The following MYH15 variants were observed in gnomAD, a reference collection of about 807,000 sequenced individuals.
MYH15 encodes the protein myosin-15.
A neutral mutation model predicts 240.5 loss-of-function variants in MYH15; 227 were observed. The observed-to-expected ratio is 0.94, with a 90% CI of 0.85 to 1.05. The LOEUF is 1.05. Among genes scored for constraint, MYH15 ranks in the 50% least tolerant of loss-of-function variants. The pLI is 0.00. For synonymous variants in MYH15, 785 were observed against 796.7 expected (o/e 0.99, Z 0.25); for missense variants, 2,217 against 2,247.5 (o/e 0.99, Z 0.27).
At chr3:108,431,631 T>A (rs1426815341) in intron 25 of MYH15, among the ~76,000 whole-genome samples, 3 of 152,160 alleles carry the variant, frequency 2.0e-5, no homozygotes, top group African/African-American at 7.2e-5. Flanking sequence ...GAAAACGGAC[T>A]AATATAGAAA....
chr3:108,550,272 A>T, the MYH15 span: 1 of 151,552 alleles, frequency 6.6e-6, no homozygotes, highest in Non-Finnish European at 1.5e-5. Flanking sequence ...CCAATTAAAA[A>T]CTATTAGGAC....
chr3:108,433,831 G>C (rs1206838250), intron 25 of MYH15, among the ~76,000 whole-genome samples: 1 of 152,090 alleles, frequency 6.6e-6, no homozygotes, highest in African/African-American at 2.4e-5. Context: ...ACCCAATCTT[G>C]GGTATGTCTT....
intron 38 of MYH15, among the ~76,000 whole-genome samples, chr3:108,385,041 G>A (rs910249687): frequency 6.6e-6 from 1 of 152,166 alleles, no homozygotes; most frequent in African/African-American, 2.4e-5. Context: ...TGGGTCTTCA[G>A]TCTTTCCAGC....
rs566263436 is a variant in MYH15, at chr3:108,398,199, G to T, written c.5133+438C>A. 2.6e-5 allele frequency among the ~76,000 whole-genome samples: 4 copies of T among 152,246 alleles called. No individual in the cohort carries two copies. The South Asian group carries it at 8.3e-4, about 32-fold the overall frequency. On this transcript the variant is annotated intron_variant, in intron 35 of 40. Transcript: ENST00000693548. ...GCAATTTGGACAGCAACAGACCCTC[G>T]CAGCGGGAAGATGCTGTGAAGACAC...
chr3:108,439,301 C>T (rs56393380), intron 24 of MYH15, among the ~76,000 whole-genome samples: 2,968 of 152,254 alleles, frequency 0.019, 43 homozygotes, highest in Non-Finnish European at 0.025. Context: ...TTGTGGCTCA[C>T]ATATCTTTCA....
At chr3:108,416,601 CT>C (rs1223523584) in intron 29 of MYH15, among the ~76,000 whole-genome samples, 8 of 152,198 alleles carry the variant, frequency 5.3e-5, no homozygotes, top group African/African-American at 1.7e-4. Flanking sequence ...ACACACTTTG[CT>C]TGCTCTAAAC....
the MYH15 span, among the ~76,000 whole-genome samples, chr3:108,538,754 T>C: frequency 6.6e-6 from 1 of 152,174 alleles, no homozygotes; most frequent in African/African-American, 2.4e-5. Flanking sequence ...GGTTGAGGTG[T>C]CTTAGTCTGT....
At chr3:108,452,274 G>C (rs1021523195) in intron 21 of MYH15, among the ~76,000 whole-genome samples, 1 of 152,108 alleles carries the variant, frequency 6.6e-6, no homozygotes, top group Non-Finnish European at 1.5e-5. Context: ...CCTCAGACCA[G>C]CTGCTATCCA....
rs1200376643 is a variant in MYH15 at position 108,444,909 on chromosome 3, G to A, written c.2400-14C>T. On this transcript the variant is annotated splice_polypyrimidine_tract_variant and intron_variant, in intron 21 of 40. Transcript: ENST00000693548. ...ATAAGTGCATCCCTAAATCAAGAAA[G>A]AAAAAAGAAAAGCAAGTTAGCCCTG... 9 of 1,583,634 alleles carry A rather than the reference G, an allele frequency of 5.7e-6. No individual in the cohort carries two copies. The Admixed American group carries it at 5.7e-5, about 10-fold the overall frequency.
At position 108,428,541 on chromosome 3, in the gene MYH15, A is replaced by G. The variant is rs1327400879; in HGVS notation, c.3653T>C (p.Leu1218Pro). Residue 1218 changes from leucine (L) to proline (P), a missense_variant, in exon 27 of 41, where the codon CTA becomes CCA. Transcript: ENST00000693548. ...ACGGGTCAGGAGGTCATCTACTTCT[A>G]GCTGCAAGTCACTCTTGTCTTTTTC... ...KLEKDKSDLQ[L>P]EVDDLLTRVE... 1 of 1,613,926 alleles carries G rather than the reference A, an allele frequency of 6.2e-7. No homozygotes were observed. Among genetic ancestry groups the G allele is most frequent in the Non-Finnish European group, 8.5e-7 (1 of 1,180,004 alleles).
chr3:108,398,926 T>C, intron 34 of MYH15, 86 bp from the exon 35 acceptor site: 1 of 1,462,564 alleles, frequency 6.8e-7, no homozygotes, highest in Non-Finnish European at 9.6e-7. Flanking sequence ...TCTGACTATA[T>C]ATTTAGACAT....
In MYH15 at chr3:108,398,756, G is replaced by A. The variant is rs759391413; in HGVS notation, c.5014C>T (p.Leu1672Phe). The change falls in exon 35 of 41, where the codon CTT (leucine) becomes TTT (phenylalanine). Residue 1672 changes from leucine (L) to phenylalanine (F), a missense_variant. Leu to Phe is a conservative substitution (Grantham distance 22). Transcript: ENST00000693548. The part of the protein sequence containing the change: ...QVAVAERRNS[L>F]LQSELEDLRS... ...AGATCCTCTAGTTCAGACTGAAGAA[G>A]AGAGTTGCGCCGCTCAGCCACAGCC... 5 of 1,614,034 alleles carry A rather than the reference G, an allele frequency of 3.1e-6. No individual in the cohort carries two copies. Among genetic ancestry groups the A allele is most frequent in the African/African-American group, 1.3e-5 (1 of 74,936 alleles).
chr3:108,419,487 A>G (rs935504816), intron 28 of MYH15, among the ~76,000 whole-genome samples: 1 of 152,216 alleles, frequency 6.6e-6, no homozygotes, highest in African/African-American at 2.4e-5. Context: ...GCCAATGCCT[A>G]TCAAAATAGA....
chr3:108,438,888 G>T (rs1449862352), intron 24 of MYH15, among the ~76,000 whole-genome samples: 3 of 152,216 alleles, frequency 2.0e-5, no homozygotes, highest in African/African-American at 7.2e-5. Context: ...GTGTGGGTAG[G>T]TGTGTGTGAT....
At chr3:108,459,230 T>C in intron 18 of MYH15, 132 bp downstream of exon 18, 1 of 602,598 alleles carries the variant, frequency 1.7e-6, no homozygotes, top group Non-Finnish European at 2.7e-6. Context: ...ATTTTTAACA[T>C]ATTTTCATTT....
At chr3:108,510,698 C>A, upstream of MYH15, 1 of 1,008,792 alleles carries the variant, frequency 9.9e-7, no homozygotes, top group Non-Finnish European at 1.4e-6. Context: ...TTTCCTGTAA[C>A]TACCTGTGCC....
At position 108,500,257 on chromosome 3, in the gene MYH15, G is replaced by A. The variant is rs373637466; in HGVS notation, c.357C>T (p.Phe119=). 8.1e-6 allele frequency: 13 copies of A among 1,613,176 alleles called. No individual in the cohort carries two copies. The African/African-American group carries it at 1.6e-4, about 20-fold the overall frequency. ...ATTTGTAAGGGTTTATGGTCACACA[G>A]AAGAGACCTGAATATGTCTGAGGGA... The part of the protein sequence containing the change: ...QWMIYTYSGL[F]CVTINPYKWL... The change falls in exon 4 of 41, where the codon TTC becomes TTT. Residue 119 remains phenylalanine, a synonymous_variant. Coordinates refer to ENST00000693548, the MANE Select transcript of MYH15 (RefSeq NM_014981.3).
At chr3:108,468,934 A>G (rs548068926) in intron 14 of MYH15, among the ~76,000 whole-genome samples, 1 of 152,306 alleles carries the variant, frequency 6.6e-6, no homozygotes, top group South Asian at 2.1e-4. Flanking sequence ...TACGGCTCTT[A>G]TAAGGCCAGA....
rs145077268 is a variant in MYH15 at position 108,382,574 on chromosome 3, A to G, written c.5767-1015T>C. On this transcript the variant is annotated intron_variant, in intron 40 of 40. Transcript: ENST00000693548. ...ACAGATGGATCGGCTCAAAATTTGG[A>G]GTGAACTCTTTCCATAGTAGACACA... Among the ~76,000 whole-genome samples the G allele has an allele frequency of 7.3e-3, 1,113 of 152,254 alleles. 20 individuals are homozygous for G. The highest frequency in any genetic ancestry group is 0.026 in the African/African-American group (1,062 of 41,542).
Sources: gnomAD v4.1 joint callset for allele counts (sites outside exome capture counted in the v4.1 genomes callset) on GRCh38, gnomAD v4.1.1 for gene constraint, MANE v1.5 for transcripts, NCBI Gene and HGNC (gene_info 2026-07-23, HGNC 2026-07-21) for gene names.